GRIN1: variants seen among roughly 807,000 people sequenced by gnomAD.
GRIN1 encodes glutamate ionotropic receptor NMDA type subunit 1, also known as glutamate receptor ionotropic, NMDA 1.
A neutral mutation model predicts 103.0 loss-of-function variants in GRIN1; 38 were observed. The observed-to-expected ratio is 0.37, with a 90% CI of 0.28 to 0.48. The LOEUF (loss-of-function observed/expected upper bound fraction) is 0.48. GRIN1 is among the 20% of genes least tolerant of loss of function. The pLI, the probability that GRIN1 is intolerant of heterozygous loss-of-function variation, is 0.98. For missense variants in GRIN1, 577 were observed against 1,288.9 expected (o/e 0.45, Z 8.46); for synonymous variants, 544 against 532.7 (o/e 1.02, Z -0.29).
intron 18 of GRIN1, chr9:137,164,879 C>G: frequency 2.4e-6 from 1 of 418,766 alleles, no homozygotes; most frequent in Non-Finnish European, 4.5e-6. Context: ...GAGGACTCCT[C>G]CTCCTCGGGA....
At chr9:137,167,159 G>A (rs1459301057) in intron 19 of GRIN1, among the ~76,000 whole-genome samples, 1 of 152,100 alleles carries the variant, frequency 6.6e-6, no homozygotes, top group African/African-American at 2.4e-5. Flanking sequence ...GAACTGTGGG[G>A]GGCACTGCCA....
At chr9:137,167,307 T>G in intron 19 of GRIN1, 104 bp from the exon 20 acceptor site, 1 of 881,924 alleles carries the variant, frequency 1.1e-6, no homozygotes, top group Non-Finnish European at 1.8e-6. Flanking sequence ...CCCCTGCCCC[T>G]GTCCTGTGGC....
At position 137,161,978 on chromosome 9, in the gene GRIN1, G is replaced by C; in HGVS notation, c.1522G>C (p.Gly508Arg). 1 of 1,564,530 alleles carries C rather than the reference G, an allele frequency of 6.4e-7. No individual in the cohort carries two copies. The highest frequency in any genetic ancestry group is 8.7e-7 in the Non-Finnish European group (1 of 1,154,752). Residue 508 changes from glycine to arginine, a missense_variant, in exon 11 of 20, where the codon GGG (glycine) becomes CGG (arginine). By Grantham distance (125) the Gly-to-Arg change is moderately radical. Coordinates refer to ENST00000371561, the MANE Select transcript of GRIN1 (RefSeq NM_007327.4). ...WNGMMGELLSGQADMIVAPLT... is the reference protein window; with the variant it reads ...WNGMMGELLSRQADMIVAPLT... ...TGGGATGATGGGCGAGCTGCTCAGC[G>C]GGCAGGCAGACATGATCGTGGCGCC...
chr9:137,154,858 G>A (rs542405551), intron 4 of GRIN1, among the ~76,000 whole-genome samples: 6 of 152,254 alleles, frequency 3.9e-5, no homozygotes, highest in South Asian at 2.1e-4. Flanking sequence ...AGCAGAGGCC[G>A]ACTGGCCCAC....
chr9:137,167,344 G>T (rs1022691552), intron 19 of GRIN1, 67 bp from the exon 20 acceptor site: 2 of 1,251,944 alleles, frequency 1.6e-6, no homozygotes, highest in Admixed American at 2.0e-5. Context: ...GGCACTGGGC[G>T]CTGAGGGCTG....
intron 8 of GRIN1, among the ~76,000 whole-genome samples, chr9:137,159,049 A>G (rs926966535): frequency 1.3e-5 from 2 of 152,112 alleles, no homozygotes; most frequent in African/African-American, 4.8e-5. Flanking sequence ...CGCTGTCCCC[A>G]GTCCTGGTCC....
intron 3 of GRIN1, among the ~76,000 whole-genome samples, chr9:137,147,405 T>C (rs1832603673): frequency 6.6e-6 from 1 of 151,944 alleles, no homozygotes; most frequent in African/African-American, 2.4e-5. Flanking sequence ...CAGACACACA[T>C]GCACACACGC....
chr9:137,165,478 T>G, intron 19 of GRIN1, 182 bp downstream of exon 19: 2 of 637,390 alleles, frequency 3.1e-6, no homozygotes, highest in Non-Finnish European at 5.7e-6. Context: ...TGGACCTTTC[T>G]CCCCGGCCCT....
chr9:137,152,895 A>T (rs905641689), intron 4 of GRIN1, among the ~76,000 whole-genome samples: 1 of 152,024 alleles, frequency 6.6e-6, no homozygotes, highest in Admixed American at 6.6e-5. Flanking sequence ...CAGGTCATAC[A>T]CAACACACAC....
chr9:137,167,273 TG>T, intron 19 of GRIN1, 137 bp from the exon 20 acceptor site: 1 of 690,244 alleles, frequency 1.4e-6, no homozygotes, highest in Non-Finnish European at 2.6e-6. Context: ...TTGGGTAGGG[TG>T]GGGTCAGTCC....
Position 137,168,087 on chromosome 9 carries a change from G to A in GRIN1, c.*560G>A. 1.7e-6 allele frequency: 1 copy of A among 589,296 alleles called. No individual in the cohort carries two copies. The highest frequency in any genetic ancestry group is 3.0e-6 in the Non-Finnish European group (1 of 332,010). The allele number at this position is 589,296 out of a possible 1,614,324, so 36.5% of individuals were successfully genotyped here. A position where few individuals can be genotyped will look rare whatever the true frequency, so the allele number is the denominator to read the frequency against. ...CAGGGCCGCAGGGCGCTCCGGCAGA[G>A]GCAGGGCCCTGGGGTCTCTGAGCAG... On this transcript the variant is annotated 3_prime_UTR_variant, in exon 20 of 20. Transcript: ENST00000371561.
At chr9:137,158,278 G>C (rs1588720769) in intron 6 of GRIN1, 101 bp from the exon 7 acceptor site, 4 of 1,297,982 alleles carry the variant, frequency 3.1e-6, no homozygotes, top group Non-Finnish European at 4.4e-6. Context: ...CAGGGAGAAG[G>C]AGCAGGGGGA....
At chr9:137,151,167 CCCCGCCCAGGGAAAGA>C (rs1278562618) in intron 4 of GRIN1, among the ~76,000 whole-genome samples, 5 of 134,532 alleles carry the variant, frequency 3.7e-5, no homozygotes, top group Admixed American at 7.8e-5. Context: ...CCAGGGAAAG[CCCCGCCCAGGGAAAGA>C]CCCGCCCAGA....
At chr9:137,152,725 G>A (rs953397928) in intron 4 of GRIN1, among the ~76,000 whole-genome samples, 1 of 152,122 alleles carries the variant, frequency 6.6e-6, no homozygotes, top group African/African-American at 2.4e-5. Flanking sequence ...GACATGGTCA[G>A]GGCACACAGG....
chr9:137,164,495 G>A (rs185769266), intron 18 of GRIN1: 67 of 174,914 alleles, frequency 3.8e-4, no homozygotes, highest in Admixed American at 1.5e-3. Flanking sequence ...GTCGAGTTCC[G>A]GTTCACTCCG....
chr9:137,158,677 A>C lies in GRIN1; in HGVS notation c.1170A>C (p.Arg390=). Residue 390 remains arginine, a synonymous_variant, in exon 8 of 20, where the codon CGA becomes CGC. Coordinates refer to ENST00000371561, the MANE Select transcript of GRIN1 (RefSeq NM_007327.4). The stretch of plus-strand genomic sequence containing the variant: ...CAGGCGGAGAGACAGAGAAGCCTCG[A>C]GGGTACCAGATGTCCACCAGACTGA... The part of the protein sequence containing the change: ...IWPGGETEKP[R]GYQMSTRLKI... 3 of 1,612,848 alleles carry C rather than the reference A, an allele frequency of 1.9e-6. No individual in the cohort carries two copies. Among genetic ancestry groups the C allele is most frequent in the Non-Finnish European group, 1.7e-6 (2 of 1,179,914 alleles).
In GRIN1 at chr9:137,162,525, C is replaced by T. The variant is rs769054044; in HGVS notation, c.1864+9C>T. The T allele has an allele frequency of 1.2e-6, 2 of 1,610,790 alleles. No homozygotes were observed. The highest frequency in any genetic ancestry group is 1.7e-6 in the Non-Finnish European group (2 of 1,179,008). The stretch of plus-strand genomic sequence containing the variant: ...CTCCGGCATCGGGGAAGGTAAGGCC[C>T]CGCCCGGCCCGCCTGGTCCCGCCTC... On this transcript the variant is annotated intron_variant, in intron 13 of 19. Transcript: ENST00000371561.
chr9:137,148,403 AC>A (rs1832666412), intron 3 of GRIN1, among the ~76,000 whole-genome samples: 1 of 151,358 alleles, frequency 6.6e-6, no homozygotes, highest in Non-Finnish European at 1.5e-5. Context: ...CCTGAGGCCC[AC>A]CCGCCGTGAC....
At chr9:137,163,038 C>T in intron 15 of GRIN1, 35 bp downstream of exon 15, 1 of 1,563,380 alleles carries the variant, frequency 6.4e-7, no homozygotes, top group Admixed American at 1.9e-5. Context: ...CGGGGCGGGA[C>T]AGGTGCGGGG....
Sources: allele counts gnomAD v4.1 joint callset (sites outside exome capture counted in the v4.1 genomes callset), GRCh38; gene constraint gnomAD v4.1.1; transcripts MANE v1.5; gene names NCBI Gene and HGNC (gene_info 2026-07-23, HGNC 2026-07-21).